SPART: variants seen among roughly 807,000 people sequenced by gnomAD.
SPART encodes the protein spartin.
In SPART, 35 loss-of-function variants were observed where a neutral mutation model predicts 58.7. That is an observed-to-expected ratio of 0.60 (90% CI 0.46 to 0.79). The LOEUF is 0.79. Ranked by LOEUF, SPART falls within the 30% of genes least tolerant of loss-of-function variation. The probability of loss-of-function intolerance (pLI) is 0.00; values close to 1 mark genes in which losing one functional copy is unlikely to be tolerated. For synonymous variants in SPART, 284 were observed against 280.7 expected, an observed-to-expected ratio of 1.01 and a Z score of -0.12; for missense variants, 730 against 786.1, an observed-to-expected ratio of 0.93 and a Z score of 0.85.
At chr13:36,357,625 G>A (rs189613511) in intron 1 of SPART, among the ~76,000 whole-genome samples, 1 of 152,354 alleles carries the variant, frequency 6.6e-6, no homozygotes, top group East Asian at 1.9e-4. Context: ...AAGTGGTTAA[G>A]AATTATGCAT....
chr13:36,337,065 G>A (rs995571470), intron 1 of SPART, among the ~76,000 whole-genome samples: 3 of 152,196 alleles, frequency 2.0e-5, no homozygotes, highest in African/African-American at 7.2e-5. Context: ...TTGTTGATCT[G>A]AGTGATGACT....
chr13:36,327,851 G>A (rs776731576), intron 4 of SPART, among the ~76,000 whole-genome samples: 5 of 152,038 alleles, frequency 3.3e-5, no homozygotes, highest in South Asian at 2.1e-4. Flanking sequence ...AACATTAGCC[G>A]GGCATGGTGG....
intron 1 of SPART, chr13:36,336,373 A>G (rs1884006878): frequency 6.6e-6 from 1 of 152,648 alleles, no homozygotes; most frequent in Admixed American, 6.5e-5. Context: ...AAAGATTATG[A>G]AAAAGGAACA....
intron 1 of SPART, among the ~76,000 whole-genome samples, chr13:36,339,822 T>A (rs1884406805): frequency 6.6e-6 from 1 of 152,036 alleles, no homozygotes; most frequent in Admixed American, 6.6e-5. Context: ...ATCCCAGCAC[T>A]TTAGGAGACT....
intron 5 of SPART, among the ~76,000 whole-genome samples, chr13:36,318,868 GCTCT>G (rs1453179142): frequency 6.6e-6 from 1 of 151,994 alleles, no homozygotes; most frequent in African/African-American, 2.4e-5. Context: ...CTGGCCCAAG[GCTCT>G]CTGACTGACT....
chr13:36,312,191 T>C lies in SPART; in HGVS notation c.1687A>G (p.Ile563Val), dbSNP rs1305454395. Residue 563 changes from isoleucine to valine, a missense_variant, in exon 8 of 9, where the codon ATC becomes GTC. Physicochemically the swap from Ile to Val is conservative, Grantham distance 29 (BLOSUM62 3). Transcript: ENST00000438666. ...WQGLECAAKC[I>V]VNNVSAETVQ... ...GTTTCTGCTGAAACATTGTTAACGA[T>C]GCATTTAGCTGCACATTCCAATCCT... is the stretch of plus-strand genomic sequence containing the variant. The C allele has an allele frequency of 6.2e-7, 1 of 1,614,208 alleles. No individual in the cohort carries two copies. Among genetic ancestry groups the C allele is most frequent in the Non-Finnish European group, 8.5e-7 (1 of 1,180,026 alleles).
At chr13:36,351,718 G>A (rs1473842409) in intron 1 of SPART, among the ~76,000 whole-genome samples, 1 of 152,162 alleles carries the variant, frequency 6.6e-6, no homozygotes, top group East Asian at 1.9e-4. Flanking sequence ...AGACTTTTGT[G>A]TAGAAGCCTG....
At chr13:36,317,681 G>A (rs764095318) in intron 5 of SPART, among the ~76,000 whole-genome samples, 3 of 151,684 alleles carry the variant, frequency 2.0e-5, no homozygotes, top group African/African-American at 4.8e-5. Flanking sequence ...TTTTCTCTAG[G>A]CTTGCTTCCT....
intron 8 of SPART, among the ~76,000 whole-genome samples, chr13:36,310,559 T>C (rs1037432046): frequency 1.2e-4 from 19 of 152,316 alleles, no homozygotes; most frequent in African/African-American, 4.6e-4. Flanking sequence ...TCCCACCACC[T>C]TTGGCCTAGT....
intron 1 of SPART, among the ~76,000 whole-genome samples, chr13:36,366,833 T>C (rs1886076352): frequency 6.6e-6 from 1 of 152,006 alleles, no homozygotes; most frequent in African/African-American, 2.4e-5. Flanking sequence ...ACCATGGTGT[T>C]CCTCCACTCA....
At chr13:36,343,615 C>T (rs1408252395) in intron 1 of SPART, among the ~76,000 whole-genome samples, 1 of 152,118 alleles carries the variant, frequency 6.6e-6, no homozygotes, top group African/African-American at 2.4e-5. Flanking sequence ...ATTAAAAGTA[C>T]TGCTTTAAAA....
intron 1 of SPART, among the ~76,000 whole-genome samples, chr13:36,367,457 T>TG (rs1886104834): frequency 6.6e-6 from 1 of 152,160 alleles, no homozygotes; most frequent in African/African-American, 2.4e-5. Context: ...CTCCAGCCTC[T>TG]GCATATATAC....
At chr13:36,318,766 TTCC>T (rs1882017698) in intron 5 of SPART, among the ~76,000 whole-genome samples, 1 of 152,162 alleles carries the variant, frequency 6.6e-6, no homozygotes, top group Admixed American at 6.5e-5. Context: ...CAGCCCGGGA[TTCC>T]TCCTAAGCCC....
chr13:36,334,717 G>A (rs934982513), intron 2 of SPART, among the ~76,000 whole-genome samples: 10 of 152,008 alleles, frequency 6.6e-5, no homozygotes, highest in African/African-American at 4.8e-5. Flanking sequence ...AATCCCTTTC[G>A]AAATTAAACT....
chr13:36,337,506 C>T (rs1188331648), intron 1 of SPART, among the ~76,000 whole-genome samples: 5 of 152,182 alleles, frequency 3.3e-5, no homozygotes, highest in Admixed American at 1.3e-4. Flanking sequence ...TTTTATAAGG[C>T]AGTTTTTCCA....
intron 1 of SPART, among the ~76,000 whole-genome samples, chr13:36,339,309 A>G (rs1884335718): frequency 6.6e-6 from 1 of 152,112 alleles, no homozygotes; most frequent in Admixed American, 6.6e-5. Flanking sequence ...AAAGACAGAG[A>G]TGAAAAATAG....
chr13:36,350,067 A>G (rs1593288268), upstream of SPART, among the ~76,000 whole-genome samples: 1 of 152,256 alleles, frequency 6.6e-6, no homozygotes, highest in East Asian at 1.9e-4. Context: ...GGAAACATGT[A>G]AAAAGCCATT....
chr13:36,364,472 G>A (rs557114432), intron 1 of SPART, among the ~76,000 whole-genome samples: 37 of 152,254 alleles, frequency 2.4e-4, no homozygotes, highest in African/African-American at 8.2e-4. Flanking sequence ...GCTAGAGCAG[G>A]TACTGTGTGC....
intron 8 of SPART, among the ~76,000 whole-genome samples, chr13:36,309,243 C>CAAA (rs566701572): frequency 5.8e-5 from 6 of 103,156 alleles, no homozygotes; most frequent in East Asian, 2.5e-4. Context: ...AACTCCGTCT[C>CAAA]AAAAAAAAAA....
Sources: gnomAD v4.1 joint callset for allele counts (sites outside exome capture counted in the v4.1 genomes callset) on GRCh38, gnomAD v4.1.1 for gene constraint, MANE v1.5 for transcripts, NCBI Gene and HGNC (gene_info 2026-07-23, HGNC 2026-07-21) for gene names.